Variants in USH2A observed in about 807,000 individuals in gnomAD.
USH2A encodes Usher syndrome 2A (autosomal recessive, mild).
In USH2A, 443 loss-of-function variants were observed where a neutral mutation model predicts 538.9. That is an observed-to-expected ratio of 0.82 (90% CI 0.76 to 0.89). USH2A has a LOEUF of 0.89. USH2A is among the 40% of genes least tolerant of loss of function. The pLI is 0.00. For missense variants in USH2A, 6,633 were observed against 6,324.8 expected, an observed-to-expected ratio of 1.05 and a Z score of -1.65; for synonymous variants, 2,413 against 2,273.5, an observed-to-expected ratio of 1.06 and a Z score of -1.75.
Position 215,805,247 on chromosome 1 carries a change from C to T in USH2A, c.9740-6122G>A, listed in dbSNP as rs1444076352. On this transcript the variant is annotated intron_variant, in intron 49 of 71. Coordinates refer to ENST00000307340, the MANE Select transcript of USH2A (RefSeq NM_206933.4). ...CATGTATATATATGTAACTAACCTG[C>T]ACGTTGTGCACATGTACCCTAAAAC... 3.3e-5 allele frequency among the ~76,000 whole-genome samples: 5 copies of T among 151,668 alleles called. No homozygotes were observed. The East Asian group carries it at 9.7e-4, about 29-fold the overall frequency.
intron 37 of USH2A, among the ~76,000 whole-genome samples, chr1:215,954,693 A>G (rs201099492): frequency 6.6e-6 from 1 of 152,064 alleles, no homozygotes; most frequent in African/African-American, 2.4e-5. Flanking sequence ...GTGCACATGT[A>G]CCCTAAAACT....
intron 13 of USH2A, among the ~76,000 whole-genome samples, chr1:216,237,866 T>C (rs918096287): frequency 6.6e-6 from 1 of 152,220 alleles, no homozygotes; most frequent in Admixed American, 6.5e-5. Context: ...GTATTTCCTG[T>C]GACAAGATTC....
At chr1:215,959,961 A>C (rs982097379) in intron 37 of USH2A, among the ~76,000 whole-genome samples, 2 of 152,170 alleles carry the variant, frequency 1.3e-5, no homozygotes, top group Admixed American at 1.3e-4. Context: ...AGGACTCCAC[A>C]ATAACCACTT....
intron 43 of USH2A, among the ~76,000 whole-genome samples, chr1:215,871,103 G>T (rs1055525764): frequency 1.3e-5 from 2 of 152,076 alleles, no homozygotes; most frequent in Admixed American, 6.6e-5. Context: ...GGTCCATTTA[G>T]GAATACTTGG....
At position 215,782,914 on chromosome 1, in the gene USH2A, A is replaced by G. The variant is rs1558095874; in HGVS notation, c.10409T>C (p.Met3470Thr). Reference protein sequence around the residue: ...SYTDVNLKPYMTYEYRISAWN... With the variant: ...SYTDVNLKPYTTYEYRISAWN... ...GGCAGAAATCCTGTACTCATATGTC[A>G]TGTAGGGCTTGAGGTTCACATCTGG... The change falls in exon 53 of 72, where the codon ATG (methionine) becomes ACG (threonine). Residue 3470 changes from methionine to threonine, a missense_variant. Coordinates refer to ENST00000307340, the MANE Select transcript of USH2A (RefSeq NM_206933.4). The G allele has an allele frequency of 6.2e-7, 1 of 1,613,566 alleles. No individual in the cohort carries two copies. The highest frequency in any genetic ancestry group is 8.5e-7 in the Non-Finnish European group (1 of 1,179,778).
intron 58 of USH2A, among the ~76,000 whole-genome samples, chr1:215,752,660 C>T (rs546027762): frequency 6.6e-6 from 1 of 152,188 alleles, no homozygotes; most frequent in South Asian, 2.1e-4. Flanking sequence ...GATATTTTCC[C>T]TTCAGGGGCT....
At chr1:216,349,717 C>T (rs946217380) in intron 4 of USH2A, among the ~76,000 whole-genome samples, 12 of 152,228 alleles carry the variant, frequency 7.9e-5, no homozygotes, top group African/African-American at 2.6e-4. Context: ...AACAAACAAC[C>T]CACCCCTTAT....
chr1:216,247,252 T>G (rs2036071046), intron 12 of USH2A, 26 bp from the exon 13 acceptor site: 2 of 1,611,994 alleles, frequency 1.2e-6, no homozygotes, highest in East Asian at 2.2e-5. Context: ...ATTTAAAAGG[T>G]GAGGATGGGA....
At chr1:215,927,348 A>C (rs1666261320) in intron 38 of USH2A, among the ~76,000 whole-genome samples, 1 of 152,130 alleles carries the variant, frequency 6.6e-6, no homozygotes, top group African/African-American at 2.4e-5. Flanking sequence ...GTGGAAATCA[A>C]ACTATGCATT....
chr1:215,669,029 C>T (rs182539244), intron 64 of USH2A, among the ~76,000 whole-genome samples: 29 of 152,126 alleles, frequency 1.9e-4, no homozygotes, highest in Admixed American at 5.9e-4. Context: ...GGTGACAGAG[C>T]GAGACTCTGT....
intron 21 of USH2A, among the ~76,000 whole-genome samples, chr1:216,143,219 T>C (rs2033632945): frequency 6.6e-6 from 1 of 152,196 alleles, no homozygotes; most frequent in Non-Finnish European, 1.5e-5. Flanking sequence ...ACCTTATTTA[T>C]TTTATCCTTG....
chr1:216,197,801 A>C (rs2034884722), intron 18 of USH2A, among the ~76,000 whole-genome samples: 1 of 152,194 alleles, frequency 6.6e-6, no homozygotes, highest in African/African-American at 2.4e-5. Flanking sequence ...CCTTATCATC[A>C]TGCCAACTGC....
chr1:215,998,847 G>A (rs1428055221), intron 34 of USH2A, 40 bp downstream of exon 34: 3 of 1,602,208 alleles, frequency 1.9e-6, no homozygotes, highest in East Asian at 4.5e-5. Context: ...AGAAGAAGTG[G>A]AAGGAATGGG....
chr1:216,219,261 T>C (rs1378215066), intron 14 of USH2A, among the ~76,000 whole-genome samples: 2 of 152,120 alleles, frequency 1.3e-5, no homozygotes, highest in African/African-American at 4.8e-5. Flanking sequence ...GCCATTGTTA[T>C]AGTCAACTTA....
At chr1:216,040,048 TAC>T (rs59691309) in intron 32 of USH2A, among the ~76,000 whole-genome samples, 8,161 of 146,066 alleles carry the variant, frequency 0.056, 254 homozygotes, top group Middle Eastern at 0.086. Flanking sequence ...GTCTCTCAAT[TAC>T]ACACACACAC....
intron 22 of USH2A, among the ~76,000 whole-genome samples, chr1:216,091,986 G>A (rs1401861820): frequency 6.6e-6 from 1 of 152,076 alleles, no homozygotes. Context: ...GAGGCCAGGA[G>A]TTCGGGACCA....
chr1:215,696,802 T>C (rs1004766650), intron 61 of USH2A, among the ~76,000 whole-genome samples: 1 of 152,182 alleles, frequency 6.6e-6, no homozygotes, highest in Admixed American at 6.5e-5. Context: ...AGGTCAAGGA[T>C]ACAGTGAGCT....
intron 3 of USH2A, among the ~76,000 whole-genome samples, chr1:216,373,916 T>C (rs898062317): frequency 6.6e-6 from 1 of 152,016 alleles, no homozygotes; most frequent in Non-Finnish European, 1.5e-5. Context: ...TGGAATACTA[T>C]GCAGCCATAA....
chr1:215,905,068 A>G (rs765003964), intron 38 of USH2A, among the ~76,000 whole-genome samples: 2 of 152,136 alleles, frequency 1.3e-5, no homozygotes, highest in Admixed American at 6.6e-5. Flanking sequence ...ACGAAAAAAT[A>G]TAAAATGATT....
Sources: gnomAD v4.1 joint callset for allele counts (sites outside exome capture counted in the v4.1 genomes callset) on GRCh38, gnomAD v4.1.1 for gene constraint, MANE v1.5 for transcripts, NCBI Gene and HGNC (gene_info 2026-07-23, HGNC 2026-07-21) for gene names.